The following DCLK3 variants were observed in gnomAD, a reference collection of about 807,000 sequenced individuals.
DCLK3 encodes the protein serine/threonine-protein kinase DCLK3.
A neutral mutation model predicts 46.4 loss-of-function variants in DCLK3; 30 were observed. That is an observed-to-expected ratio of 0.65 (90% confidence interval 0.48 to 0.88). The LOEUF is 0.88. Among genes scored for constraint, DCLK3 ranks in the 40% least tolerant of loss-of-function variants. The probability of loss-of-function intolerance (pLI) is 0.00; values close to 1 mark genes in which losing one functional copy is unlikely to be tolerated. For missense variants in DCLK3, 846 were observed against 907.1 expected, an observed-to-expected ratio of 0.93 and a Z score of 0.87; for synonymous variants, 401 against 339.2, an observed-to-expected ratio of 1.18 and a Z score of -2.00.
chr3:36,731,304 C>A (rs1701195339), intron 2 of DCLK3, among the ~76,000 whole-genome samples: 1 of 152,150 alleles, frequency 6.6e-6, no homozygotes, highest in Non-Finnish European at 1.5e-5. Flanking sequence ...CTCGACCCTG[C>A]TTCTCTCCCA....
chr3:36,749,393 G>A (rs112720319), intron 1 of DCLK3, among the ~76,000 whole-genome samples: 108 of 152,282 alleles, frequency 7.1e-4, no homozygotes, highest in Non-Finnish European at 1.1e-3. Flanking sequence ...CCACTGACCT[G>A]TGTCATGCAA....
rs1244280968 is a variant in DCLK3 at position 36,737,054 on chromosome 3, T to C, written c.1959+154A>G. 6.6e-6 allele frequency among the ~76,000 whole-genome samples: 1 copy of C among 152,260 alleles called. No homozygotes were observed. The highest frequency in any genetic ancestry group is 1.5e-5 in the Non-Finnish European group (1 of 68,046). ...ATTTATCTCAGCAACTTATGACCTA[T>C]AACCATAGTTTTAAATACTGGAACA... is the stretch of plus-strand genomic sequence containing the variant. On this transcript the variant is annotated intron_variant, in intron 2 of 4. Coordinates refer to ENST00000636136, the MANE Select transcript of DCLK3 (RefSeq NM_001394672.2). This position sits in a 1 kb window ranked among gnomAD's most constrained non-coding sequence, Gnocchi z 4.4.
chr3:36,715,375 C>T lies in DCLK3; in HGVS notation c.2407G>A (p.Gly803Ser). Residue 803 changes from glycine to serine, a missense_variant, in exon 5 of 5, where the codon GGT becomes AGT. Transcript: ENST00000636136. ...CTCTTGTGCTGGCTCCGGAAGTGAC[C>T]CTCGCTGCTGGGGGACACCTGCTTC... The part of the protein sequence containing the change: ...RQKQVSPSSE[G>S]HFRSQHKRVV... 3 of 1,614,114 alleles carry T rather than the reference C, an allele frequency of 1.9e-6. No individual in the cohort carries two copies. Among genetic ancestry groups the T allele is most frequent in the African/African-American group, 1.3e-5 (1 of 75,018 alleles).
Position 36,737,730 on chromosome 3 carries a change from CCTT to C in DCLK3, c.1434_1436del (p.Arg479del). ...CAGGTTGGTCATCTCTGAGAGTCAT[CCTT>C]CTGCCTCCAGACATACATGGCTTTT... On this transcript the variant is annotated inframe_deletion, in exon 2 of 5. Coordinates refer to ENST00000636136, the MANE Select transcript of DCLK3 (RefSeq NM_001394672.2). The surrounding 1 kb of genome is among the most constrained non-coding windows in gnomAD (Gnocchi z 4.4). The C allele has an allele frequency of 6.2e-7, 1 of 1,614,188 alleles. No homozygotes were observed. Among genetic ancestry groups the C allele is most frequent in the Non-Finnish European group, 8.5e-7 (1 of 1,180,030 alleles).
intron 1 of DCLK3, among the ~76,000 whole-genome samples, chr3:36,751,418 T>G (rs1701440738): frequency 6.6e-6 from 1 of 152,218 alleles, no homozygotes; most frequent in Non-Finnish European, 1.5e-5. Context: ...ATGACAGGCA[T>G]AAGGTTGCCC....
chr3:36,742,274 G>T (rs1473361726), intron 1 of DCLK3, among the ~76,000 whole-genome samples: 1 of 152,136 alleles, frequency 6.6e-6, no homozygotes, highest in African/African-American at 2.4e-5. Flanking sequence ...CCCAGAGCTG[G>T]GTAGGGAGAA....
chr3:36,763,930 G>A (rs1413693151), intron 1 of DCLK3, among the ~76,000 whole-genome samples: 1 of 152,206 alleles, frequency 6.6e-6, no homozygotes, highest in Non-Finnish European at 1.5e-5. Flanking sequence ...ATCAGCTCCG[G>A]AGAGCGTTAT....
chr3:36,754,914 A>G (rs1040142369), intron 1 of DCLK3, among the ~76,000 whole-genome samples: 42 of 145,786 alleles, frequency 2.9e-4, no homozygotes, highest in Non-Finnish European at 4.9e-4. Flanking sequence ...ATTAGAAAGT[A>G]GTCAGCTATA....
At chr3:36,732,180 C>T (rs1162194696) in intron 2 of DCLK3, among the ~76,000 whole-genome samples, 1 of 152,188 alleles carries the variant, frequency 6.6e-6, no homozygotes, top group Non-Finnish European at 1.5e-5. Context: ...AGGAACCATG[C>T]TTTAAAATTG....
At chr3:36,729,246 TGTG>T (rs774447347) in intron 2 of DCLK3, among the ~76,000 whole-genome samples, 4,061 of 41,964 alleles carry the variant, frequency 0.097, 316 homozygotes, top group African/African-American at 0.23. Context: ...TGTGTGTGTG[TGTG>T]GGGGGGGGGG....
At chr3:36,760,939 G>A (rs1432010758) in intron 1 of DCLK3, among the ~76,000 whole-genome samples, 1 of 152,160 alleles carries the variant, frequency 6.6e-6, no homozygotes, top group Admixed American at 6.5e-5. Context: ...AGAGTAGTTG[G>A]GTATCTCGCT....
chr3:36,730,307 C>G (rs1701184711), intron 2 of DCLK3, among the ~76,000 whole-genome samples: 2 of 151,374 alleles, frequency 1.3e-5, no homozygotes, highest in South Asian at 4.2e-4. Context: ...TGGGACTTGT[C>G]ACATGGCATG....
intron 4 of DCLK3, among the ~76,000 whole-genome samples, chr3:36,716,196 C>T (rs1247202799): frequency 6.6e-6 from 1 of 152,182 alleles, no homozygotes; most frequent in East Asian, 1.9e-4. Flanking sequence ...AGAGATTTCC[C>T]CCTGGCTTGC....
rs13070703 is a variant in DCLK3 at position 36,718,067 on chromosome 3, T to A, written c.2203A>T (p.Ile735Phe). Reference sequence around the variant, plus strand: ...AACTCAAAGTGGCCCAGCTGGATGATGTTAAAGAGCTCGTCCTGGTCCCTC... The same window carrying A: ...AACTCAAAGTGGCCCAGCTGGATGAAGTTAAAGAGCTCGTCCTGGTCCCTC... ...PERDQDELFN[I>F]IQLGHFEFLP... is the part of the protein sequence containing the mutation. The change falls in exon 4 of 5, where the codon ATC becomes TTC. Residue 735 changes from isoleucine (I) to phenylalanine (F), a missense_variant. This residue lies in a region of DCLK3 where 247 missense variants were observed against 322.8 expected (regional missense o/e 0.77). Transcript: ENST00000636136. 90 of 1,614,032 alleles carry A rather than the reference T, an allele frequency of 5.6e-5. No individual in the cohort carries two copies. Among genetic ancestry groups the A allele is most frequent in the Non-Finnish European group, 7.3e-5 (86 of 1,180,022 alleles).
intron 3 of DCLK3, among the ~76,000 whole-genome samples, chr3:36,719,014 CA>C (rs1701024061): frequency 6.6e-6 from 1 of 152,050 alleles, no homozygotes; most frequent in Admixed American, 6.5e-5. Context: ...ATATTTTTTA[CA>C]AAAATGATTT....
chr3:36,742,541 G>A (rs941117619), intron 1 of DCLK3, among the ~76,000 whole-genome samples: 26 of 152,284 alleles, frequency 1.7e-4, no homozygotes, highest in Non-Finnish European at 1.0e-4. Context: ...TTATTCAAAA[G>A]CTCCTTGGTC....
Position 36,738,870 on chromosome 3 carries a change from T to G in DCLK3, c.297A>C (p.Val99=), listed in dbSNP as rs1032704571. 4.0e-6 allele frequency: 2 copies of G among 499,712 alleles called. No individual in the cohort carries two copies. The highest frequency in any genetic ancestry group is 6.3e-6 in the Non-Finnish European group (2 of 316,272). The allele number at this position is 499,712 out of a possible 1,614,324, so 31.0% of individuals were successfully genotyped here. Residue 99 remains valine, a synonymous_variant, in exon 2 of 5, where the codon GTA becomes GTC. Transcript: ENST00000636136. ...GGGGGCGCTGCCCACCCAGCTTCAC[T>G]ACGGTCACGACCCTGGGCTTCAGAG... The part of the protein sequence containing the change: ...NSPLKPRVVT[V]VKLGGQRPRK...
intron 4 of DCLK3, among the ~76,000 whole-genome samples, chr3:36,717,807 G>A (rs1035560727): frequency 6.6e-6 from 1 of 152,192 alleles, no homozygotes; most frequent in Non-Finnish European, 1.5e-5. Flanking sequence ...GTAACTGGTG[G>A]TTGGGCTTTT....
intron 1 of DCLK3, among the ~76,000 whole-genome samples, chr3:36,758,231 C>A (rs1035137060): frequency 6.6e-5 from 10 of 152,168 alleles, no homozygotes; most frequent in Admixed American, 1.3e-4. Flanking sequence ...TTCATGATCA[C>A]CTTTTTTTAA....
Sources: gnomAD v4.1 joint callset for allele counts (sites outside exome capture counted in the v4.1 genomes callset) on GRCh38, gnomAD v4.1.1 for gene constraint, gnomAD v4.1.1 regional missense constraint, Gnocchi (gnomAD v3.1) non-coding constraint, MANE v1.5 for transcripts, NCBI Gene and HGNC (gene_info 2026-07-23, HGNC 2026-07-21) for gene names.